The following MARCHF11 variants were observed in gnomAD, a reference collection of about 807,000 sequenced individuals.
The protein encoded by MARCHF11 is membrane associated ring-CH-type finger 11, also known as E3 ubiquitin-protein ligase MARCHF11.
In MARCHF11, 29 loss-of-function variants were observed where a neutral mutation model predicts 37.3. The observed-to-expected ratio is 0.78, with a 90% confidence interval of 0.58 to 1.06. The LOEUF (loss-of-function observed/expected upper bound fraction) is 1.06, where lower values mean the gene tolerates loss of function less well. Among genes scored for constraint, MARCHF11 ranks in the 50% least tolerant of loss-of-function variants. The probability of loss-of-function intolerance (pLI) is 0.00; values close to 1 mark genes in which losing one functional copy is unlikely to be tolerated. For synonymous variants in MARCHF11, 233 were observed against 228.0 expected, an observed-to-expected ratio of 1.02 and a Z score of -0.20; for missense variants, 482 against 533.4, an observed-to-expected ratio of 0.90 and a Z score of 0.95.
intron 2 of MARCHF11, among the ~76,000 whole-genome samples, chr5:16,118,754 C>T (rs960028017): frequency 3.3e-5 from 5 of 152,088 alleles, no homozygotes; most frequent in East Asian, 1.9e-4. Context: ...TGTTCAGAGG[C>T]GTCTTAGGAT....
intron 2 of MARCHF11, among the ~76,000 whole-genome samples, chr5:16,108,794 A>T (rs969513493): frequency 2.0e-5 from 3 of 152,128 alleles, no homozygotes; most frequent in Non-Finnish European, 4.4e-5. Context: ...TTACCTGAGG[A>T]TGTTGTGCTC....
At chr5:16,081,294 T>C (rs1736603786) in intron 3 of MARCHF11, among the ~76,000 whole-genome samples, 1 of 152,200 alleles carries the variant, frequency 6.6e-6, no homozygotes, top group Admixed American at 6.5e-5. Flanking sequence ...GGCCAGATAG[T>C]AAATCTTTCA....
intron 2 of MARCHF11, among the ~76,000 whole-genome samples, chr5:16,110,757 G>A (rs1398232378): frequency 1.3e-5 from 2 of 152,132 alleles, no homozygotes; most frequent in Non-Finnish European, 2.9e-5. Context: ...AGTCTAACAA[G>A]ATAATCTGTA....
At chr5:16,152,569 A>T (rs966472518) in intron 2 of MARCHF11, among the ~76,000 whole-genome samples, 1 of 151,944 alleles carries the variant, frequency 6.6e-6, no homozygotes, top group Non-Finnish European at 1.5e-5. Flanking sequence ...AAAATCAGAC[A>T]TCCATTTCTT....
intron 2 of MARCHF11, among the ~76,000 whole-genome samples, chr5:16,172,398 C>T (rs1005769521): frequency 1.3e-5 from 2 of 152,114 alleles, no homozygotes; most frequent in African/African-American, 2.4e-5. Flanking sequence ...AAATATATCT[C>T]AGCATTGTTT....
chr5:16,087,315 A>G (rs1255893337), intron 3 of MARCHF11, among the ~76,000 whole-genome samples: 1 of 152,206 alleles, frequency 6.6e-6, no homozygotes, highest in African/African-American at 2.4e-5. Flanking sequence ...AATCACACAT[A>G]CTTTAACACC....
At chr5:16,143,539 T>C (rs1253704723) in intron 2 of MARCHF11, among the ~76,000 whole-genome samples, 2 of 152,244 alleles carry the variant, frequency 1.3e-5, no homozygotes, top group Non-Finnish European at 2.9e-5. Flanking sequence ...GTTCCATTAG[T>C]GTAACAGCTA....
At chr5:16,068,449 G>T (rs1201542433) in intron 3 of MARCHF11, among the ~76,000 whole-genome samples, 1 of 152,204 alleles carries the variant, frequency 6.6e-6, no homozygotes, top group Non-Finnish European at 1.5e-5. Flanking sequence ...AAGCCTTGGG[G>T]ATGTTCAGAA....
intron 3 of MARCHF11, among the ~76,000 whole-genome samples, chr5:16,072,580 A>T (rs1308089788): frequency 6.6e-6 from 1 of 151,412 alleles, no homozygotes; most frequent in Admixed American, 6.6e-5. Context: ...GTGAGGACAT[A>T]ACAGGGAGAT....
chr5:16,123,531 T>C (rs1036118256), intron 2 of MARCHF11, among the ~76,000 whole-genome samples: 2 of 152,196 alleles, frequency 1.3e-5, no homozygotes, highest in African/African-American at 4.8e-5. Flanking sequence ...CCACACAAAC[T>C]AATACACCAT....
In MARCHF11 at chr5:16,140,597, C is replaced by T. The variant is rs1056072634; in HGVS notation, c.693+37129G>A. ...TGGAAAAGGAAGGAATGGTTTTGAA[C>T]CTTTCTATGAAATCGACATAACCTC... On this transcript the variant is annotated intron_variant, in intron 2 of 3. Coordinates refer to ENST00000332432, the MANE Select transcript of MARCHF11 (RefSeq NM_001102562.3). Among the ~76,000 whole-genome samples, 3 of 152,236 alleles carry T rather than the reference C, an allele frequency of 2.0e-5. No homozygotes were observed. In the South Asian group the frequency reaches 6.2e-4, roughly 32 times the overall value.
chr5:16,107,708 C>T (rs1737067762), intron 2 of MARCHF11, among the ~76,000 whole-genome samples: 1 of 151,910 alleles, frequency 6.6e-6, no homozygotes, highest in Non-Finnish European at 1.5e-5. Flanking sequence ...CTATCCTGTA[C>T]CCATATAAAT....
At chr5:16,090,033 T>A (rs1170620548) in intron 3 of MARCHF11, among the ~76,000 whole-genome samples, 1 of 152,126 alleles carries the variant, frequency 6.6e-6, no homozygotes, top group Non-Finnish European at 1.5e-5. Flanking sequence ...AAAACCCAGA[T>A]GGCTGGGCCC....
chr5:16,120,610 C>T (rs1388022866), intron 2 of MARCHF11, among the ~76,000 whole-genome samples: 1 of 152,250 alleles, frequency 6.6e-6, no homozygotes, highest in East Asian at 1.9e-4. Context: ...ACTTCATAAC[C>T]TGTCACTTTC....
rs1445195408 is a variant in MARCHF11 at position 16,067,526 on chromosome 5, T to G, written c.1154A>C (p.Asp385Ala). ...CCCCGAGCTGTTATCTTCTGATAAG[T>G]CTTCATGGGGCCTCATCCGATTGAA... Reference protein sequence around the residue: ...HLFNRMRPHEDLSEDNSSGEV... With the variant: ...HLFNRMRPHEALSEDNSSGEV... Residue 385 changes from aspartate to alanine, a missense_variant, in exon 4 of 4, where the codon GAC becomes GCC. By Grantham distance (126) the Asp-to-Ala change is moderately radical. Transcript: ENST00000332432. 3 of 1,613,808 alleles carry G rather than the reference T, an allele frequency of 1.9e-6. No homozygotes were observed. The highest frequency in any genetic ancestry group is 1.7e-5 in the Admixed American group (1 of 59,992).
At chr5:16,074,143 C>CT (rs1187565219) in intron 3 of MARCHF11, among the ~76,000 whole-genome samples, 1 of 152,196 alleles carries the variant, frequency 6.6e-6, no homozygotes, top group Non-Finnish European at 1.5e-5. Flanking sequence ...TAACCTGCTC[C>CT]TGAGCGATCA....
intron 3 of MARCHF11, among the ~76,000 whole-genome samples, chr5:16,072,003 A>T (rs1463422532): frequency 1.3e-5 from 2 of 152,084 alleles, no homozygotes; most frequent in Non-Finnish European, 2.9e-5. Context: ...TCTGTCACCC[A>T]GGCTGGAGTG....
intron 2 of MARCHF11, among the ~76,000 whole-genome samples, chr5:16,140,840 T>C (rs1308961930): frequency 6.6e-6 from 1 of 152,216 alleles, no homozygotes; most frequent in Non-Finnish European, 1.5e-5. Context: ...ACAAAATTTA[T>C]TAAAATGTAA....
At chr5:16,106,677 T>A (rs6890389) in intron 2 of MARCHF11, among the ~76,000 whole-genome samples, 2 of 152,000 alleles carry the variant, frequency 1.3e-5, no homozygotes, top group Non-Finnish European at 2.9e-5. Flanking sequence ...AGGTGTTTGA[T>A]AATATCTGAG....
Sources: gnomAD v4.1 joint callset for allele counts (sites outside exome capture counted in the v4.1 genomes callset) on GRCh38, gnomAD v4.1.1 for gene constraint, MANE v1.5 for transcripts, NCBI Gene and HGNC (gene_info 2026-07-23, HGNC 2026-07-21) for gene names.